Variants in USP3 observed in about 807,000 individuals in gnomAD.
USP3 encodes the protein ubiquitin carboxyl-terminal hydrolase 3.
Under a neutral mutation model 72.3 loss-of-function variants are expected in USP3, and 20 were observed. That is an observed-to-expected ratio of 0.28 (90% confidence interval 0.19 to 0.40). USP3 has a LOEUF of 0.40. Ranked by LOEUF, USP3 falls within the 10% of genes least tolerant of loss-of-function variation. USP3 has a pLI of 1.00. For synonymous variants in USP3, 222 were observed against 225.3 expected (o/e 0.99, Z 0.13); for missense variants, 479 against 633.9 (o/e 0.76, Z 2.62).
Position 63,591,903 on chromosome 15 carries a change from G to A in USP3, c.*1077G>A, listed in dbSNP as rs1281851692. The A allele has an allele frequency of 2.0e-5, 3 of 152,154 alleles. No homozygotes were observed. The highest frequency in any genetic ancestry group is 7.2e-5 in the African/African-American group (3 of 41,388). The allele number at this position is 152,154 out of a possible 1,614,324, so 9.4% of individuals were successfully genotyped here. On this transcript the variant is annotated 3_prime_UTR_variant, in exon 15 of 15. Coordinates refer to ENST00000380324, the MANE Select transcript of USP3 (RefSeq NM_006537.4). ...AATACTGTTGGAGTAAGTAAGTGGA[G>A]TTTTCGTTTTGTTTTTTGGGGGTTT...
chr15:63,557,139 C>G lies in USP3; in HGVS notation c.450+391C>G, dbSNP rs940322347. Among the ~76,000 whole-genome samples, 8 of 152,208 alleles carry G rather than the reference C, an allele frequency of 5.3e-5. No homozygotes were observed. The East Asian group carries it at 5.8e-4, about 11-fold the overall frequency. ...AGGCTGGAGTACAGTGGCGCAGTCT[C>G]GGCTCACTGGAACCTCTGCCTCCCA... On this transcript the variant is annotated intron_variant, in intron 5 of 14. Coordinates refer to ENST00000380324, the MANE Select transcript of USP3 (RefSeq NM_006537.4).
intron 11 of USP3, among the ~76,000 whole-genome samples, chr15:63,578,905 G>A (rs1221404862): frequency 2.0e-5 from 3 of 152,070 alleles, no homozygotes; most frequent in Non-Finnish European, 2.9e-5. Context: ...GGAAAATTAC[G>A]AGAAATATTA....
intron 1 of USP3, among the ~76,000 whole-genome samples, chr15:63,515,142 A>G (rs1029072804): frequency 1.3e-5 from 2 of 152,306 alleles, no homozygotes; most frequent in African/African-American, 4.8e-5. Flanking sequence ...TCCTCCCACT[A>G]TCCTTTCCCC....
intron 11 of USP3, among the ~76,000 whole-genome samples, chr15:63,581,561 T>G (rs1268310363): frequency 6.7e-6 from 1 of 148,566 alleles, no homozygotes; most frequent in Admixed American, 6.7e-5. Flanking sequence ...TTTTTTTTTT[T>G]TTTTTTTTTT....
chr15:63,561,311 C>CTGA (rs1424666754), intron 7 of USP3, among the ~76,000 whole-genome samples: 1 of 152,136 alleles, frequency 6.6e-6, no homozygotes, highest in Admixed American at 6.5e-5. Context: ...TTGCCTTTGG[C>CTGA]TGATTTAGGC....
intron 9 of USP3, among the ~76,000 whole-genome samples, chr15:63,572,644 C>T (rs928691726): frequency 6.6e-6 from 1 of 152,164 alleles, no homozygotes; most frequent in African/African-American, 2.4e-5. Context: ...GTTTTGTCAT[C>T]ATTGCAGTAG....
chr15:63,507,512 A>G (rs562363798), intron 1 of USP3, among the ~76,000 whole-genome samples: 45 of 152,338 alleles, frequency 3.0e-4, no homozygotes, highest in African/African-American at 1.0e-3. Flanking sequence ...GTGGTATTAG[A>G]GGTCAGAACA....
rs1257850553 is a variant in USP3 at position 63,558,198 on chromosome 15, C to T, written c.533+10C>T. The T allele has an allele frequency of 1.9e-6, 3 of 1,613,878 alleles. No homozygotes were observed. Among genetic ancestry groups the T allele is most frequent in the Middle Eastern group, 1.6e-4 (1 of 6,062 alleles). ...TCCTTCAGTCACTCAGGTAACGCTACAGTCAGAGCTTAAGTGTCTGACATT... is the reference window on the plus strand; with the variant it reads ...TCCTTCAGTCACTCAGGTAACGCTATAGTCAGAGCTTAAGTGTCTGACATT... On this transcript the variant is annotated intron_variant, in intron 6 of 14. Transcript: ENST00000380324.
chr15:63,527,150 G>A (rs1025940503), intron 1 of USP3, among the ~76,000 whole-genome samples: 2 of 152,150 alleles, frequency 1.3e-5, no homozygotes, highest in Non-Finnish European at 2.9e-5. Context: ...TCCCACCTTG[G>A]CCTCCCAAAG....
chr15:63,546,273 A>G (rs1254990649), intron 3 of USP3, among the ~76,000 whole-genome samples: 1 of 152,164 alleles, frequency 6.6e-6, no homozygotes, highest in Admixed American at 6.5e-5. Flanking sequence ...TTCAAATACT[A>G]TGGATTTCAG....
intron 3 of USP3, among the ~76,000 whole-genome samples, chr15:63,548,954 A>G (rs2066397113): frequency 6.6e-6 from 1 of 152,232 alleles, no homozygotes; most frequent in Non-Finnish European, 1.5e-5. Flanking sequence ...TAGATTCCCT[A>G]CATTAGCAGT....
chr15:63,591,479 GTTGGTTTTT>G lies in USP3; in HGVS notation c.*662_*670del, dbSNP rs1240187365. 6.6e-6 allele frequency: 1 copy of G among 152,080 alleles called. No homozygotes were observed. Among genetic ancestry groups the G allele is most frequent in the Non-Finnish European group, 1.5e-5 (1 of 68,018 alleles). The allele number at this position is 152,080 out of a possible 1,614,324, so 9.4% of individuals were successfully genotyped here. A position where few individuals can be genotyped will look rare whatever the true frequency, so the allele number is the denominator to read the frequency against. On this transcript the variant is annotated 3_prime_UTR_variant, in exon 15 of 15. Coordinates refer to ENST00000380324, the MANE Select transcript of USP3 (RefSeq NM_006537.4). ...TGCAAATACAAGAATTACTCTCTTTGTTGGTTTTTTTGGTTTTGGGGCATACTTGTTTGC... is the reference window on the plus strand; with the variant it reads ...TGCAAATACAAGAATTACTCTCTTTGTTGGTTTTGGGGCATACTTGTTTGC...
chr15:63,573,972 A>G, intron 9 of USP3, 74 bp from the exon 10 acceptor site: 1 of 1,042,806 alleles, frequency 9.6e-7, no homozygotes. Context: ...GCTTTAACAA[A>G]TATTTGTAGT....
At chr15:63,572,398 G>A in intron 9 of USP3, among the ~76,000 whole-genome samples, 1 of 147,770 alleles carries the variant, frequency 6.8e-6, no homozygotes, top group South Asian at 2.2e-4. Context: ...TTTTTGCTAT[G>A]TCCTTTTTTA....
At chr15:63,519,643 T>G (rs1308562709) in intron 1 of USP3, among the ~76,000 whole-genome samples, 1 of 152,190 alleles carries the variant, frequency 6.6e-6, no homozygotes, top group African/African-American at 2.4e-5. Context: ...GTGGGAAATG[T>G]TTTTAGATTA....
intron 1 of USP3, among the ~76,000 whole-genome samples, chr15:63,517,511 C>G (rs1051295927): frequency 2.6e-5 from 4 of 152,124 alleles, no homozygotes; most frequent in African/African-American, 9.7e-5. Flanking sequence ...TAACAGTGAA[C>G]TTTTTCATGT....
chr15:63,564,987 G>A (rs575728891), intron 8 of USP3, among the ~76,000 whole-genome samples: 2 of 152,320 alleles, frequency 1.3e-5, no homozygotes, highest in African/African-American at 4.8e-5. Context: ...ATGCAGGTAA[G>A]ATTCTTATAA....
intron 3 of USP3, among the ~76,000 whole-genome samples, chr15:63,537,830 C>T (rs1272117845): frequency 6.6e-6 from 1 of 152,096 alleles, no homozygotes; most frequent in Non-Finnish European, 1.5e-5. Flanking sequence ...GGATTACAAG[C>T]ATGTGCCGCC....
In USP3 at chr15:63,591,578, T is replaced by G. The variant is rs1450787389; in HGVS notation, c.*752T>G. On this transcript the variant is annotated 3_prime_UTR_variant, in exon 15 of 15. Transcript: ENST00000380324. ...GTTTAAAAAAAATGCTGTGACTCAC[T>G]GACATGGTATAGGTGTTACCAGTGA... 1 of 152,248 alleles carries G rather than the reference T, an allele frequency of 6.6e-6. No homozygotes were observed. Among genetic ancestry groups the G allele is most frequent in the Non-Finnish European group, 1.5e-5 (1 of 68,054 alleles). 9.4% of individuals were successfully genotyped at this position (152,248 alleles called of 1,614,324 possible). A position where few individuals can be genotyped will look rare whatever the true frequency, so the allele number is the denominator to read the frequency against.
Sources: allele counts gnomAD v4.1 joint callset (sites outside exome capture counted in the v4.1 genomes callset), GRCh38; gene constraint gnomAD v4.1.1; transcripts MANE v1.5; gene names NCBI Gene and HGNC (gene_info 2026-07-23, HGNC 2026-07-21).